HPSE2: variants seen among roughly 807,000 people sequenced by gnomAD.
HPSE2 encodes heparanase 2 (inactive), also known as inactive heparanase-2.
In HPSE2, 38 loss-of-function variants were observed where a neutral mutation model predicts 60.5. That is an observed-to-expected ratio of 0.63 (90% confidence interval 0.48 to 0.82). The LOEUF (loss-of-function observed/expected upper bound fraction) is 0.82, where lower values mean the gene tolerates loss of function less well. HPSE2 is among the 40% of genes least tolerant of loss of function. HPSE2 has a pLI of 0.00. For synonymous variants in HPSE2, 295 were observed against 293.2 expected (o/e 1.01, Z -0.06); for missense variants, 713 against 740.4 (o/e 0.96, Z 0.43).
At chr10:99,310,014 G>T in the HPSE2 span, among the ~76,000 whole-genome samples, 130,560 of 152,208 alleles carry the variant, frequency 0.86, 56,382 homozygotes, top group African/African-American at 0.93. Flanking sequence ...AAGCCCTAGG[G>T]GAAAATTCTT....
At chr10:98,884,176 A>C (rs2134895522) in intron 3 of HPSE2, among the ~76,000 whole-genome samples, 1 of 152,246 alleles carries the variant, frequency 6.6e-6, no homozygotes, top group East Asian at 1.9e-4. Flanking sequence ...TAATTCTCTG[A>C]AGGCTGAGAG....
At chr10:98,913,725 T>C (rs1954042675) in intron 3 of HPSE2, among the ~76,000 whole-genome samples, 1 of 152,180 alleles carries the variant, frequency 6.6e-6, no homozygotes, top group African/African-American at 2.4e-5. Context: ...GGCTTGGAGA[T>C]GCCTGAATTA....
At chr10:98,820,046 T>TA (rs965983606) in intron 3 of HPSE2, among the ~76,000 whole-genome samples, 4 of 152,088 alleles carry the variant, frequency 2.6e-5, no homozygotes, top group Admixed American at 2.0e-4. Flanking sequence ...ATTACTTTTT[T>TA]AAAAAAAGCA....
At chr10:98,512,812 A>AACACACACACACACACAC (rs71007394) in intron 9 of HPSE2, among the ~76,000 whole-genome samples, 25,373 of 124,256 alleles carry the variant, frequency 0.2, 3,688 homozygotes, top group East Asian at 0.33. Flanking sequence ...CCCACCCCCC[A>AACACACACACACACACAC]ACACACACAC....
At chr10:98,568,700 G>A (rs1589434083) in intron 9 of HPSE2, among the ~76,000 whole-genome samples, 1 of 152,032 alleles carries the variant, frequency 6.6e-6, no homozygotes, top group East Asian at 1.9e-4. Flanking sequence ...CGGGCTTCAG[G>A]TTCTTTCCCC....
chr10:99,303,983 C>T, the HPSE2 span, among the ~76,000 whole-genome samples: 216 of 152,302 alleles, frequency 1.4e-3, 3 homozygotes, highest in East Asian at 0.037. Context: ...TGCCTCTGGG[C>T]CCCTTAGATT....
intron 9 of HPSE2, among the ~76,000 whole-genome samples, chr10:98,521,634 G>T (rs1025380120): frequency 1.3e-5 from 2 of 152,128 alleles, no homozygotes; most frequent in Non-Finnish European, 2.9e-5. Context: ...CCATTACTGG[G>T]TATATACCCA....
At chr10:98,600,911 G>GTGTATATATA (rs1554950517) in intron 9 of HPSE2, among the ~76,000 whole-genome samples, 40 of 73,718 alleles carry the variant, frequency 5.4e-4, no homozygotes, top group African/African-American at 1.3e-3. Context: ...ATGTGTGTGT[G>GTGTATATATA]TATATATATA....
At chr10:99,226,521 G>T (rs959358508) in intron 2 of HPSE2, among the ~76,000 whole-genome samples, 1 of 151,974 alleles carries the variant, frequency 6.6e-6, no homozygotes, top group African/African-American at 2.4e-5. Flanking sequence ...ATTACATGGT[G>T]AAGTGCCCTT....
intron 4 of HPSE2, among the ~76,000 whole-genome samples, chr10:98,740,682 T>A (rs1319045689): frequency 6.6e-6 from 1 of 152,132 alleles, no homozygotes; most frequent in Admixed American, 6.6e-5. Flanking sequence ...CAATGCTAGA[T>A]TTGCTCTAGA....
At chr10:98,461,835 C>G (rs769179677) in intron 11 of HPSE2, 1 of 1,579,062 alleles carries the variant, frequency 6.3e-7, no homozygotes, top group South Asian at 1.2e-5. Context: ...GAGTGCAAAA[C>G]AACGTGTGAT....
At chr10:98,979,908 T>C (rs1229147747) in intron 3 of HPSE2, among the ~76,000 whole-genome samples, 1 of 152,192 alleles carries the variant, frequency 6.6e-6, no homozygotes, top group African/African-American at 2.4e-5. Flanking sequence ...AAAAGGGTTA[T>C]TCTAAATTCA....
intron 2 of HPSE2, among the ~76,000 whole-genome samples, chr10:99,173,861 T>G (rs1308400224): frequency 6.8e-6 from 1 of 147,406 alleles, no homozygotes; most frequent in East Asian, 2.0e-4. Flanking sequence ...GAGAATAGCT[T>G]GAACTCGTGA....
chr10:99,270,769 T>C, the HPSE2 span, among the ~76,000 whole-genome samples: 74 of 152,244 alleles, frequency 4.9e-4, no homozygotes, highest in Admixed American at 4.8e-3. Context: ...CAACAGTGTA[T>C]CAAAAAGATA....
chr10:99,163,432 C>G (rs1470464589), intron 2 of HPSE2, among the ~76,000 whole-genome samples: 1 of 152,062 alleles, frequency 6.6e-6, no homozygotes, highest in East Asian at 1.9e-4. Context: ...CTCTTTCCAC[C>G]TCCTCAGAAA....
At chr10:98,793,307 T>G (rs1414146766) in intron 3 of HPSE2, among the ~76,000 whole-genome samples, 4 of 152,244 alleles carry the variant, frequency 2.6e-5, no homozygotes, top group South Asian at 2.1e-4. Flanking sequence ...TTAACTTTTT[T>G]GGGGTCATAG....
Position 98,613,680 on chromosome 10 carries a change from T to C in HPSE2, c.1320+1224A>G, listed in dbSNP as rs191358023. On this transcript the variant is annotated intron_variant, in intron 9 of 11. Transcript: ENST00000370552. ...GGCCCCAGGGCAACAAATAGTTCTG[T>C]AGAAAGAGCACTGAACCAAGGCACA... 3.9e-4 allele frequency among the ~76,000 whole-genome samples: 59 copies of C among 152,294 alleles called. 1 individual carries two copies. Among genetic ancestry groups the C allele is most frequent in the Non-Finnish European group, 7.1e-4 (48 of 68,018 alleles).
At chr10:98,666,998 G>A (rs1210903224) in intron 6 of HPSE2, among the ~76,000 whole-genome samples, 3 of 147,736 alleles carry the variant, frequency 2.0e-5, no homozygotes, top group Non-Finnish European at 4.5e-5. Flanking sequence ...TTCTTCAAAG[G>A]AATAAAAAAG....
intron 3 of HPSE2, among the ~76,000 whole-genome samples, chr10:99,070,440 T>C (rs1842752189): frequency 6.6e-6 from 1 of 152,184 alleles, no homozygotes; most frequent in Non-Finnish European, 1.5e-5. Context: ...CTAAAAAGGG[T>C]AAAAATTAAA....
Sources: allele counts gnomAD v4.1 joint callset (sites outside exome capture counted in the v4.1 genomes callset), GRCh38; gene constraint gnomAD v4.1.1; transcripts MANE v1.5; gene names NCBI Gene and HGNC (gene_info 2026-07-23, HGNC 2026-07-21).